The following RMDN2 variants were observed in gnomAD, a reference collection of about 807,000 sequenced individuals.
RMDN2 encodes the protein regulator of microtubule dynamics protein 2.
In RMDN2, 61 loss-of-function variants were observed where a neutral mutation model predicts 52.8. That is an observed-to-expected ratio of 1.16 (90% CI 0.94 to 1.43). RMDN2 has a LOEUF of 1.43. RMDN2 is among the 40% of genes most tolerant of loss of function. The pLI, the probability that RMDN2 is intolerant of heterozygous loss-of-function variation, is 0.00. For missense variants in RMDN2, 592 were observed against 475.3 expected (o/e 1.25, Z -2.28); for synonymous variants, 180 against 153.1 (o/e 1.18, Z -1.30).
intron 2 of RMDN2, among the ~76,000 whole-genome samples, chr2:37,947,473 TC>T (rs1240784632): frequency 6.6e-6 from 1 of 152,188 alleles, no homozygotes; most frequent in Non-Finnish European, 1.5e-5. Flanking sequence ...TTTTTCTGCC[TC>T]GCAAGTCACA....
In RMDN2 at chr2:38,064,422, G is replaced by A. The variant is rs1271115207; in HGVS notation, c.1714-2560G>A. Among the ~76,000 whole-genome samples, 12 of 146,614 alleles carry A rather than the reference G, an allele frequency of 8.2e-5. No homozygotes were observed. In the East Asian group the frequency reaches 1.4e-3, roughly 17 times the overall value. ...GGAGAATCACTTGAACCTGGGAGGC[G>A]GAGGTTGCAGTGAGCTGAGATCATA... On this transcript the variant is annotated intron_variant, in intron 10 of 10. Transcript: ENST00000234195.
At chr2:38,023,575 G>C (rs749145768) in intron 10 of RMDN2, among the ~76,000 whole-genome samples, 3 of 152,022 alleles carry the variant, frequency 2.0e-5, no homozygotes, top group African/African-American at 7.2e-5. Context: ...TGATCTACTT[G>C]AACTGAGTGT....
intron 8 of RMDN2, among the ~76,000 whole-genome samples, chr2:38,003,327 T>C (rs571273778): frequency 9.9e-5 from 15 of 151,746 alleles, no homozygotes; most frequent in Non-Finnish European, 1.6e-4. Flanking sequence ...TCGAGGAGGG[T>C]GGATCACCTG....
chr2:38,035,076 A>G (rs979189604), intron 10 of RMDN2, among the ~76,000 whole-genome samples: 1 of 152,190 alleles, frequency 6.6e-6, no homozygotes, highest in East Asian at 1.9e-4. Flanking sequence ...ATGTTGGCAA[A>G]TAAATTCACG....
chr2:37,969,346 A>G (rs1671495002), intron 2 of RMDN2, among the ~76,000 whole-genome samples: 1 of 151,828 alleles, frequency 6.6e-6, no homozygotes, highest in South Asian at 2.1e-4. Context: ...ATCCATGAAT[A>G]TATTGTTTTC....
chr2:37,977,758 C>T (rs936713803), intron 4 of RMDN2, among the ~76,000 whole-genome samples: 4 of 147,262 alleles, frequency 2.7e-5, no homozygotes, highest in East Asian at 4.2e-4. Flanking sequence ...ACATCCCAGA[C>T]GATGGGTGGC....
intron 7 of RMDN2, among the ~76,000 whole-genome samples, chr2:37,993,572 A>T (rs1248089489): frequency 1.3e-5 from 2 of 152,166 alleles, no homozygotes; most frequent in African/African-American, 4.8e-5. Flanking sequence ...CAAAGCAAGA[A>T]TACCAGTTCC....
chr2:37,959,310 A>G (rs1253821352), intron 2 of RMDN2, among the ~76,000 whole-genome samples: 2 of 150,886 alleles, frequency 1.3e-5, no homozygotes, highest in Non-Finnish European at 2.9e-5. Context: ...TAGGCTATTA[A>G]TTACTGCCTC....
At chr2:37,975,825 A>G (rs879398877) in intron 4 of RMDN2, among the ~76,000 whole-genome samples, 1 of 152,268 alleles carries the variant, frequency 6.6e-6, no homozygotes, top group African/African-American at 2.4e-5. Context: ...CTCTCAGAAC[A>G]GAAAGGCATT....
In RMDN2 at chr2:37,981,318, C is replaced by G. The variant is rs149504815; in HGVS notation, c.766C>G (p.Pro256Ala). 5.6e-6 allele frequency: 9 copies of G among 1,607,164 alleles called. No homozygotes were observed. In the African/African-American group the frequency reaches 1.1e-4, roughly 19 times the overall value. Residue 256 changes from proline to alanine, a missense_variant, in exon 5 of 11, where the codon CCC becomes GCC. Transcript: ENST00000354545. ...AAGTGAAAGAGCTATTAATAGAGCA[C>G]CCATGAATGGACATTGTCATCTGTG... ...TLSERAINRA[P>A]MNGHCHLWYA...
At chr2:38,026,768 A>C (rs1046405906) in intron 10 of RMDN2, among the ~76,000 whole-genome samples, 1 of 152,030 alleles carries the variant, frequency 6.6e-6, no homozygotes, top group African/African-American at 2.4e-5. Context: ...CTTCCTTTCT[A>C]CTATAAGCAT....
chr2:37,961,583 A>G (rs1378189408), intron 2 of RMDN2, among the ~76,000 whole-genome samples: 1 of 151,870 alleles, frequency 6.6e-6, no homozygotes, highest in Admixed American at 6.6e-5. Flanking sequence ...CTAGTTAGCA[A>G]TTCCTGTAAT....
chr2:37,962,747 A>G (rs1433491442), intron 2 of RMDN2, among the ~76,000 whole-genome samples: 2 of 150,870 alleles, frequency 1.3e-5, no homozygotes, highest in African/African-American at 4.9e-5. Context: ...TGGGGTACGA[A>G]AAAAAAAAAA....
intron 10 of RMDN2, among the ~76,000 whole-genome samples, chr2:38,050,365 A>T (rs1169285146): frequency 6.6e-6 from 1 of 152,082 alleles, no homozygotes; most frequent in Non-Finnish European, 1.5e-5. Context: ...AAAATAAAAA[A>T]AAAACCTTCC....
At chr2:38,051,282 C>G (rs1681582965) in intron 10 of RMDN2, among the ~76,000 whole-genome samples, 1 of 152,180 alleles carries the variant, frequency 6.6e-6, no homozygotes, top group South Asian at 2.1e-4. Flanking sequence ...TAGTACATCC[C>G]TCATATTCAA....
chr2:37,987,888 A>AT (rs1553369237), intron 5 of RMDN2, among the ~76,000 whole-genome samples: 1 of 56,190 alleles, frequency 1.8e-5, no homozygotes, highest in African/African-American at 1.1e-4. Flanking sequence ...GTGAAATCCC[A>AT]TCTCTACTAA....
chr2:38,018,702 G>T (rs1432311076), downstream of RMDN2, among the ~76,000 whole-genome samples: 2 of 152,120 alleles, frequency 1.3e-5, no homozygotes, highest in Non-Finnish European at 2.9e-5. Flanking sequence ...TTATATTTCT[G>T]TGGAGCTGTA....
At chr2:38,048,912 G>A (rs1031897932) in intron 10 of RMDN2, among the ~76,000 whole-genome samples, 11 of 152,186 alleles carry the variant, frequency 7.2e-5, no homozygotes, top group African/African-American at 2.7e-4. Flanking sequence ...TTAATTGATT[G>A]ACTAACTCAT....
At chr2:37,969,593 G>C (rs1311805526) in intron 2 of RMDN2, among the ~76,000 whole-genome samples, 2 of 151,698 alleles carry the variant, frequency 1.3e-5, no homozygotes, top group Non-Finnish European at 2.9e-5. Flanking sequence ...TGTAAATTTT[G>C]TTAGGTCCTC....
Sources: gnomAD v4.1 joint callset for allele counts (sites outside exome capture counted in the v4.1 genomes callset) on GRCh38, gnomAD v4.1.1 for gene constraint, MANE v1.5 for transcripts, NCBI Gene and HGNC (gene_info 2026-07-23, HGNC 2026-07-21) for gene names.